CCDC3: variants seen among roughly 807,000 people sequenced by gnomAD.
CCDC3 encodes coiled-coil domain-containing protein 3.
Under a neutral mutation model 21.4 loss-of-function variants are expected in CCDC3, and 24 were observed. The ratio of observed to expected loss-of-function variants is 1.12; its 90% confidence interval spans 0.81 to 1.58. CCDC3 has a LOEUF of 1.58. CCDC3 is among the 40% of genes most tolerant of loss of function. The probability of loss-of-function intolerance (pLI) is 0.00; values close to 1 mark genes in which losing one functional copy is unlikely to be tolerated. For missense variants in CCDC3, 425 were observed against 360.9 expected (o/e 1.18, Z -1.44); for synonymous variants, 186 against 166.0 (o/e 1.12, Z -0.93).
chr10:12,987,296 T>C (rs1835610111), intron 2 of CCDC3, among the ~76,000 whole-genome samples: 1 of 152,158 alleles, frequency 6.6e-6, no homozygotes, highest in Non-Finnish European at 1.5e-5. Context: ...CCATAACCCA[T>C]GACACAGTGC....
At chr10:12,917,285 C>G (rs1232198484) in intron 2 of CCDC3, among the ~76,000 whole-genome samples, 1 of 144,960 alleles carries the variant, frequency 6.9e-6, no homozygotes, top group East Asian at 2.1e-4. Flanking sequence ...GCTCCGCCTC[C>G]CGGGTTCATG....
chr10:13,091,068 T>G (rs630702), intron 3 of CCDC3, among the ~76,000 whole-genome samples: 145,733 of 152,250 alleles, frequency 0.96, 70,074 homozygotes, highest in East Asian at 1. Context: ...AAAGATGAAG[T>G]CTGGAAGACT....
intron 2 of CCDC3, among the ~76,000 whole-genome samples, chr10:12,916,752 G>A (rs932511814): frequency 2.6e-5 from 4 of 152,240 alleles, no homozygotes; most frequent in African/African-American, 9.6e-5. Context: ...TGAAGTCTGG[G>A]GCCATGAGGA....
chr10:12,962,380 G>A (rs377381182), intron 2 of CCDC3, among the ~76,000 whole-genome samples: 4 of 152,244 alleles, frequency 2.6e-5, no homozygotes, highest in East Asian at 1.9e-4. Context: ...CGAGGCAGGC[G>A]GATCACGAGG....
At chr10:12,902,189 A>AG (rs1419373327) in intron 2 of CCDC3, among the ~76,000 whole-genome samples, 1 of 152,214 alleles carries the variant, frequency 6.6e-6, no homozygotes, top group Non-Finnish European at 1.5e-5. Context: ...CCTACAGTTA[A>AG]GAAAAAGGAG....
chr10:12,962,330 C>T (rs1835191472), intron 2 of CCDC3, among the ~76,000 whole-genome samples: 1 of 152,222 alleles, frequency 6.6e-6, no homozygotes, highest in Non-Finnish European at 1.5e-5. Context: ...TTTGGCCGGG[C>T]ACAGTGGCTC....
At chr10:12,922,946 T>C (rs937330797) in intron 2 of CCDC3, among the ~76,000 whole-genome samples, 4 of 152,174 alleles carry the variant, frequency 2.6e-5, no homozygotes, top group African/African-American at 9.7e-5. Context: ...AAATGTTCAG[T>C]ATATAAACTT....
chr10:13,001,026 C>G (rs1231849278), intron 1 of CCDC3, among the ~76,000 whole-genome samples, 171 bp downstream of exon 1: 4 of 152,164 alleles, frequency 2.6e-5, no homozygotes, highest in African/African-American at 7.2e-5. Context: ...TCTGTAGAGA[C>G]GTCAGACGGA....
chr10:13,077,168 G>A (rs1031217806), intron 3 of CCDC3, among the ~76,000 whole-genome samples: 2 of 152,220 alleles, frequency 1.3e-5, no homozygotes. Flanking sequence ...AAAATCTCAG[G>A]ATACAAAATC....
intron 5 of CCDC3, among the ~76,000 whole-genome samples, chr10:13,037,049 T>G (rs1366725222): frequency 6.6e-6 from 1 of 152,150 alleles, no homozygotes; most frequent in Non-Finnish European, 1.5e-5. Context: ...CCTCCCAAAG[T>G]GCCAGGATTA....
chr10:13,054,760 T>C (rs1406611737), intron 4 of CCDC3, among the ~76,000 whole-genome samples: 3 of 152,104 alleles, frequency 2.0e-5, no homozygotes, highest in South Asian at 2.1e-4. Flanking sequence ...CTCTGCCTCC[T>C]GGTTCAAATG....
intron 2 of CCDC3, among the ~76,000 whole-genome samples, chr10:12,983,481 A>G (rs636272): frequency 0.99 from 150,318 of 151,566 alleles, 74,557 homozygotes; most frequent in Middle Eastern, 1. Context: ...TGAGGCAGGA[A>G]GATCATTTGA....
At chr10:13,016,483 C>T (rs1047956254) in intron 5 of CCDC3, among the ~76,000 whole-genome samples, 1 of 151,974 alleles carries the variant, frequency 6.6e-6, no homozygotes, top group Non-Finnish European at 1.5e-5. Flanking sequence ...CAGGGCCTTC[C>T]TTGGAGGCTC....
chr10:13,026,970 C>T (rs1315672627), intron 5 of CCDC3, among the ~76,000 whole-genome samples: 2 of 151,100 alleles, frequency 1.3e-5, no homozygotes, highest in South Asian at 2.1e-4. Context: ...AATTTCCTTT[C>T]CTTTCACATA....
chr10:13,094,366 C>T (rs929783227), intron 3 of CCDC3, among the ~76,000 whole-genome samples: 3 of 152,064 alleles, frequency 2.0e-5, no homozygotes, highest in Non-Finnish European at 2.9e-5. Context: ...TCAAGAGATT[C>T]TCCTACCTCA....
In CCDC3 at chr10:13,001,234, T is replaced by C. The variant is rs1311732378; in HGVS notation, c.337A>G (p.Thr113Ala). The change falls in exon 1 of 3, where the codon ACC becomes GCC. Residue 113 changes from threonine to alanine, a missense_variant. Coordinates refer to ENST00000378825, the MANE Select transcript of CCDC3 (RefSeq NM_031455.4). Reference protein sequence around the residue: ...GLGYFSCHSHTVVQDYSYFFF... With the variant: ...GLGYFSCHSHAVVQDYSYFFF... ...AAATAGGAGTAGTCCTGGACCACGG[T>C]GTGGGAGTGGCACGAGAAGTAGCCC... 8 of 1,577,632 alleles carry C rather than the reference T, an allele frequency of 5.1e-6. No homozygotes were observed. The highest frequency in any genetic ancestry group is 1.7e-6 in the Non-Finnish European group (2 of 1,162,422).
chr10:13,053,364 T>A (rs1836637421), intron 4 of CCDC3, among the ~76,000 whole-genome samples: 1 of 150,536 alleles, frequency 6.6e-6, no homozygotes, highest in Non-Finnish European at 1.5e-5. Flanking sequence ...AGACCAGGAG[T>A]TCAAGACCAG....
intron 2 of CCDC3, among the ~76,000 whole-genome samples, chr10:12,945,376 A>G (rs1834899463): frequency 6.6e-6 from 1 of 152,168 alleles, no homozygotes; most frequent in African/African-American, 2.4e-5. Flanking sequence ...TTTGTCCTAA[A>G]ATAGAATGGC....
intron 2 of CCDC3, among the ~76,000 whole-genome samples, chr10:12,990,897 A>T (rs555696598): frequency 6.6e-6 from 1 of 152,346 alleles, no homozygotes; most frequent in East Asian, 1.9e-4. Flanking sequence ...AAGGTTTCAG[A>T]TTCTACATTA....
Sources: gnomAD v4.1 joint callset for allele counts (sites outside exome capture counted in the v4.1 genomes callset) on GRCh38, gnomAD v4.1.1 for gene constraint, MANE v1.5 for transcripts, NCBI Gene and HGNC (gene_info 2026-07-23, HGNC 2026-07-21) for gene names.